Variants in RIC1 observed in about 807,000 individuals in gnomAD.
RIC1 encodes the protein RIC1 partner of RAB6A GEF complex.
A neutral mutation model predicts 169.0 loss-of-function variants in RIC1; 88 were observed. The ratio of observed to expected loss-of-function variants is 0.52; its 90% CI spans 0.44 to 0.62. RIC1 has a LOEUF of 0.62. Ranked by LOEUF, RIC1 falls within the 20% of genes least tolerant of loss-of-function variation. The pLI is 0.00. For synonymous variants in RIC1, 790 were observed against 601.5 expected (o/e 1.31, Z -4.59); for missense variants, 1,877 against 1,725.5 (o/e 1.09, Z -1.56).
At chr9:5,653,390 T>C (rs146831910) in intron 1 of RIC1, among the ~76,000 whole-genome samples, 1 of 152,264 alleles carries the variant, frequency 6.6e-6, no homozygotes, top group East Asian at 1.9e-4. Context: ...TCTTCTCCAG[T>C]ATTAAGTTGC....
At chr9:5,666,708 C>G (rs7850181) in intron 2 of RIC1, among the ~76,000 whole-genome samples, 5 of 152,110 alleles carry the variant, frequency 3.3e-5, no homozygotes, top group East Asian at 1.9e-4. Context: ...ATTGAATCAT[C>G]CTTGCATTCA....
intron 3 of RIC1, among the ~76,000 whole-genome samples, chr9:5,697,281 G>A (rs530821602): frequency 6.6e-6 from 1 of 152,250 alleles, no homozygotes; most frequent in African/African-American, 2.4e-5. Context: ...TCTACATGAT[G>A]GACAAAACCT....
chr9:5,631,685 CAAAAA>C (rs34448140), intron 1 of RIC1, among the ~76,000 whole-genome samples: 1 of 66,376 alleles, frequency 1.5e-5, no homozygotes. Flanking sequence ...GACTCTGTCT[CAAAAA>C]AAAAAAAAAA....
intron 2 of RIC1, among the ~76,000 whole-genome samples, chr9:5,670,829 G>A (rs1406802634): frequency 1.3e-5 from 2 of 152,158 alleles, no homozygotes; most frequent in African/African-American, 4.8e-5. Flanking sequence ...ATATTTGGAG[G>A]CTAGGGTTTT....
chr9:5,715,850 G>T (rs967129729), intron 4 of RIC1, among the ~76,000 whole-genome samples: 4 of 149,448 alleles, frequency 2.7e-5, no homozygotes, highest in Non-Finnish European at 5.9e-5. Context: ...CTCCGACAGG[G>T]TCTCACCTTG....
rs564671792 is a variant in RIC1, at chr9:5,695,369, C to T, written c.332+5331C>T. Among the ~76,000 whole-genome samples, 38 of 152,180 alleles carry T rather than the reference C, an allele frequency of 2.5e-4. 1 individual carries two copies. Among genetic ancestry groups the T allele is most frequent in the African/African-American group, 8.7e-4 (36 of 41,530 alleles). ...AACTGAATCCTGGGAAAGTCAAGAG[C>T]GCACCCGCTTTTTTCTTCCAGTAAA... On this transcript the variant is annotated intron_variant, in intron 3 of 25. Coordinates refer to ENST00000414202, the MANE Select transcript of RIC1 (RefSeq NM_020829.4).
chr9:5,684,275 C>CCA (rs1821066541), intron 2 of RIC1, among the ~76,000 whole-genome samples: 1 of 1,732 alleles, frequency 5.8e-4, no homozygotes, highest in African/African-American at 1.5e-3. Flanking sequence ...CTTGGCTCCA[C>CCA]CCCCCCCCCC....
At chr9:5,659,678 A>G (rs749598299) in intron 2 of RIC1, among the ~76,000 whole-genome samples, 25 of 152,250 alleles carry the variant, frequency 1.6e-4, no homozygotes, top group South Asian at 8.3e-4. Context: ...TAGACCTTCA[A>G]TTTCTGTAAG....
At chr9:5,715,520 T>C (rs1823180566) in intron 4 of RIC1, among the ~76,000 whole-genome samples, 1 of 152,092 alleles carries the variant, frequency 6.6e-6, no homozygotes, top group Non-Finnish European at 1.5e-5. Context: ...TGCTGGAAAT[T>C]TGAAATTTGC....
At chr9:5,639,376 A>G (rs756329736) in intron 1 of RIC1, among the ~76,000 whole-genome samples, 9 of 152,154 alleles carry the variant, frequency 5.9e-5, no homozygotes, top group Non-Finnish European at 1.0e-4. Context: ...TCAGGAACAT[A>G]TTGTTTAATT....
At chr9:5,643,537 C>T (rs1212919932) in intron 1 of RIC1, among the ~76,000 whole-genome samples, 2 of 152,068 alleles carry the variant, frequency 1.3e-5, no homozygotes. Context: ...ATATGGTTTC[C>T]TGCCAAACTC....
chr9:5,668,835 A>G (rs1819933003), intron 2 of RIC1, among the ~76,000 whole-genome samples: 1 of 152,048 alleles, frequency 6.6e-6, no homozygotes, highest in African/African-American at 2.4e-5. Flanking sequence ...CTCATTGAAC[A>G]TATTTAAGAG....
In RIC1 at chr9:5,753,589, T is replaced by C. The variant is rs1825842153; in HGVS notation, c.1545T>C (p.Gly515=). ...GQNIAVVGKF[G]FAHYSLLTKK... The stretch of plus-strand genomic sequence containing the variant: ...ATATTGCTGTGGTTGGCAAGTTTGG[T>C]TTTGCACATTACTCTTTACTCACCA... The change falls in exon 14 of 26, where the codon GGT becomes GGC. Residue 515 remains glycine, a synonymous_variant. Coordinates refer to ENST00000414202, the MANE Select transcript of RIC1 (RefSeq NM_020829.4). The C allele has an allele frequency of 3.1e-6, 5 of 1,612,344 alleles. No individual in the cohort carries two copies. Among genetic ancestry groups the C allele is most frequent in the African/African-American group, 1.3e-5 (1 of 74,920 alleles).
chr9:5,651,082 A>ATGTG (rs1563869354), intron 1 of RIC1, among the ~76,000 whole-genome samples: 4 of 151,928 alleles, frequency 2.6e-5, no homozygotes, highest in African/African-American at 9.7e-5. Context: ...GTGTCATCAC[A>ATGTG]TGGTCTCTAA....
downstream of RIC1, among the ~76,000 whole-genome samples, chr9:5,777,385 G>T (rs1586746800): frequency 1.4e-5 from 2 of 147,702 alleles, no homozygotes; most frequent in Admixed American, 6.7e-5. Flanking sequence ...ACTCTAAAAT[G>T]TACCCATTAA....
intron 2 of RIC1, 66 bp downstream of exon 2, chr9:5,656,756 T>A (rs1819124024): frequency 1.1e-6 from 1 of 912,468 alleles, no homozygotes; most frequent in Non-Finnish European, 1.8e-6. Context: ...TAAATTTGAT[T>A]CTCTTAGATG....
At chr9:5,637,798 T>C (rs928696974) in intron 1 of RIC1, among the ~76,000 whole-genome samples, 4 of 152,256 alleles carry the variant, frequency 2.6e-5, no homozygotes, top group Non-Finnish European at 5.9e-5. Flanking sequence ...GATCTCATTT[T>C]TTTTGTAACT....
intron 3 of RIC1, chr9:5,713,036 G>A (rs1412218987): frequency 6.6e-6 from 1 of 152,190 alleles, no homozygotes; most frequent in East Asian, 1.9e-4. Flanking sequence ...ATTTCCCAAA[G>A]CCAGGAACTT....
chr9:5,701,743 G>A (rs118148642), intron 3 of RIC1, among the ~76,000 whole-genome samples: 2 of 152,268 alleles, frequency 1.3e-5, no homozygotes, highest in Non-Finnish European at 2.9e-5. Flanking sequence ...GGTAGGTAGT[G>A]CATGTCAAAT....
Sources: gnomAD v4.1 joint callset for allele counts (sites outside exome capture counted in the v4.1 genomes callset) on GRCh38, gnomAD v4.1.1 for gene constraint, MANE v1.5 for transcripts, NCBI Gene and HGNC (gene_info 2026-07-23, HGNC 2026-07-21) for gene names.